ADAMTS6: variants seen among roughly 807,000 people sequenced by gnomAD.
The protein encoded by ADAMTS6 is A disintegrin and metalloproteinase with thrombospondin motifs 6.
In ADAMTS6, 23 loss-of-function variants were observed where a neutral mutation model predicts 144.3. That is an observed-to-expected ratio of 0.16 (90% CI 0.11 to 0.23). ADAMTS6 has a LOEUF of 0.23. Ranked by LOEUF, ADAMTS6 falls within the 10% of genes least tolerant of loss-of-function variation. The pLI, the probability that ADAMTS6 is intolerant of heterozygous loss-of-function variation, is 1.00. For synonymous variants in ADAMTS6, 444 were observed against 457.5 expected (o/e 0.97, Z 0.38); for missense variants, 999 against 1,379.6 (o/e 0.72, Z 4.37).
chr5:65,227,616 CA>C (rs1757824267), intron 15 of ADAMTS6, among the ~76,000 whole-genome samples: 1 of 151,950 alleles, frequency 6.6e-6, no homozygotes, highest in Admixed American at 6.6e-5. Context: ...CATGTTTCTG[CA>C]GGTTGACGGT....
chr5:65,443,305 T>C (rs564388426), intron 7 of ADAMTS6, among the ~76,000 whole-genome samples: 9 of 152,208 alleles, frequency 5.9e-5, no homozygotes, highest in South Asian at 2.1e-4. Flanking sequence ...GATGACCAAA[T>C]TGAGTTCATC....
intron 3 of ADAMTS6, among the ~76,000 whole-genome samples, chr5:65,464,758 A>C (rs945597645): frequency 2.6e-5 from 4 of 152,126 alleles, no homozygotes; most frequent in African/African-American, 9.7e-5. Flanking sequence ...GAGCATTATC[A>C]ATATTTGGAG....
intron 20 of ADAMTS6, chr5:65,210,148 C>G (rs1756399838): frequency 9.2e-6 from 2 of 217,374 alleles, no homozygotes; most frequent in Admixed American, 8.4e-5. Flanking sequence ...ATAGGTTTGG[C>G]ATGGATAAGA....
At chr5:65,464,086 G>A (rs1009852218) in intron 3 of ADAMTS6, among the ~76,000 whole-genome samples, 1 of 152,048 alleles carries the variant, frequency 6.6e-6, no homozygotes, top group Non-Finnish European at 1.5e-5. Context: ...CTAGATCACC[G>A]TCATTCTCTG....
At chr5:65,273,023 T>C (rs1284763506) in intron 12 of ADAMTS6, among the ~76,000 whole-genome samples, 1 of 151,894 alleles carries the variant, frequency 6.6e-6, no homozygotes, top group African/African-American at 2.4e-5. Context: ...CCAGAAAAAC[T>C]AGACTATGTT....
chr5:65,378,155 A>G (rs1026552615), intron 7 of ADAMTS6, among the ~76,000 whole-genome samples: 1 of 152,180 alleles, frequency 6.6e-6, no homozygotes, highest in Non-Finnish European at 1.5e-5. Context: ...GGACTTCACC[A>G]TATCTTTTGG....
intron 9 of ADAMTS6, among the ~76,000 whole-genome samples, chr5:65,323,474 T>A (rs1044010617): frequency 1.3e-5 from 2 of 151,992 alleles, no homozygotes; most frequent in African/African-American, 4.8e-5. Flanking sequence ...TGCATAGTAT[T>A]CCATGGTGCA....
At chr5:65,409,358 T>C (rs1359051792) in intron 7 of ADAMTS6, among the ~76,000 whole-genome samples, 2 of 152,040 alleles carry the variant, frequency 1.3e-5, no homozygotes, top group African/African-American at 2.4e-5. Context: ...CATCAGAGAA[T>C]ACTATAAACA....
intron 18 of ADAMTS6, among the ~76,000 whole-genome samples, chr5:65,222,045 A>G (rs1289258221): frequency 5.9e-5 from 9 of 152,204 alleles, no homozygotes; most frequent in Non-Finnish European, 1.2e-4. Flanking sequence ...TAAGATGTCA[A>G]TTCTCCACAA....
chr5:65,388,845 GATAA>G (rs1361707946), intron 7 of ADAMTS6, among the ~76,000 whole-genome samples: 14 of 152,090 alleles, frequency 9.2e-5, no homozygotes, highest in African/African-American at 3.1e-4. Context: ...ATGAGAAATA[GATAA>G]ATACTTACAT....
At chr5:65,173,852 G>C (rs1428126244) in intron 22 of ADAMTS6, among the ~76,000 whole-genome samples, 1 of 151,954 alleles carries the variant, frequency 6.6e-6, no homozygotes, top group Non-Finnish European at 1.5e-5. Context: ...GTGAAACCCT[G>C]TCTCTACTAA....
intron 7 of ADAMTS6, among the ~76,000 whole-genome samples, chr5:65,430,758 C>T (rs1382621834): frequency 6.6e-6 from 1 of 152,140 alleles, no homozygotes; most frequent in African/African-American, 2.4e-5. Flanking sequence ...CTCAAATAAG[C>T]CAAGCTCTGT....
chr5:65,377,745 C>T (rs1292257963), intron 7 of ADAMTS6, among the ~76,000 whole-genome samples: 1 of 152,140 alleles, frequency 6.6e-6, no homozygotes, highest in African/African-American at 2.4e-5. Context: ...AGCATCGTAG[C>T]TTCTCATGTC....
At chr5:65,259,203 GTA>G (rs78132452) in intron 14 of ADAMTS6, among the ~76,000 whole-genome samples, 4,830 of 147,536 alleles carry the variant, frequency 0.033, 250 homozygotes, top group African/African-American at 0.12. Context: ...ACTAAAAAGT[GTA>G]TATATATATA....
intron 7 of ADAMTS6, among the ~76,000 whole-genome samples, chr5:65,362,442 G>C (rs751974143): frequency 2.1e-4 from 32 of 152,020 alleles, no homozygotes; most frequent in Non-Finnish European, 4.0e-4. Flanking sequence ...TCATGTTGTC[G>C]TTTTGACCAG....
chr5:65,261,737 G>A (rs1485986427), intron 13 of ADAMTS6, among the ~76,000 whole-genome samples: 1 of 152,036 alleles, frequency 6.6e-6, no homozygotes, highest in African/African-American at 2.4e-5. Context: ...GTTTATGAAT[G>A]GGTAACAGGA....
chr5:65,303,678 A>G (rs1743657154), intron 9 of ADAMTS6, among the ~76,000 whole-genome samples: 1 of 151,862 alleles, frequency 6.6e-6, no homozygotes, highest in South Asian at 2.1e-4. Context: ...ATATTAGGAT[A>G]TATTAAAATA....
chr5:65,441,832 CAAAAAAA>C (rs34446676), intron 7 of ADAMTS6, among the ~76,000 whole-genome samples: 1 of 100,656 alleles, frequency 9.9e-6, no homozygotes, highest in African/African-American at 3.0e-5. Flanking sequence ...AGCCATGGGT[CAAAAAAA>C]AAAAAAAAGA....
intron 1 of ADAMTS6, among the ~76,000 whole-genome samples, chr5:65,477,802 CTTAACA>C (rs1426377972): frequency 6.7e-6 from 1 of 149,260 alleles, no homozygotes; most frequent in Non-Finnish European, 1.5e-5. Context: ...AGTGAAGAAA[CTTAACA>C]TTAAGTAAAT....
Sources: allele counts gnomAD v4.1 joint callset (sites outside exome capture counted in the v4.1 genomes callset), GRCh38; gene constraint gnomAD v4.1.1; transcripts MANE v1.5; gene names NCBI Gene and HGNC (gene_info 2026-07-23, HGNC 2026-07-21).